The following DLGAP1 variants were observed in gnomAD, a reference collection of about 807,000 sequenced individuals.
DLGAP1 encodes the protein disks large-associated protein 1.
Under a neutral mutation model 90.8 loss-of-function variants are expected in DLGAP1, and 11 were observed. The ratio of observed to expected loss-of-function variants is 0.12; its 90% CI spans 0.08 to 0.20. The LOEUF (loss-of-function observed/expected upper bound fraction) is 0.20. Ranked by LOEUF, DLGAP1 falls within the 10% of genes least tolerant of loss-of-function variation. DLGAP1 has a pLI of 1.00. For synonymous variants in DLGAP1, 558 were observed against 540.7 expected, an observed-to-expected ratio of 1.03 and a Z score of -0.44; for missense variants, 1,050 against 1,333.8, an observed-to-expected ratio of 0.79 and a Z score of 3.31.
chr18:3,873,010 A>C (rs2148807491), intron 4 of DLGAP1, among the ~76,000 whole-genome samples: 1 of 152,340 alleles, frequency 6.6e-6, no homozygotes, highest in African/African-American at 2.4e-5. Context: ...TGTTGCCGAA[A>C]ATGTCTTTAG....
At chr18:4,299,342 G>T (rs11660700) in intron 1 of DLGAP1, among the ~76,000 whole-genome samples, 21,096 of 152,090 alleles carry the variant, frequency 0.14, 1,694 homozygotes, top group African/African-American at 0.21. Flanking sequence ...ATCTCTAAAA[G>T]AATTAAGATT....
chr18:3,531,669 G>C (rs1271248828), intron 10 of DLGAP1, among the ~76,000 whole-genome samples: 1 of 151,696 alleles, frequency 6.6e-6, no homozygotes, highest in Non-Finnish European at 1.5e-5. Context: ...TTTTACGAGA[G>C]ATGGGGTTTT....
intron 1 of DLGAP1, among the ~76,000 whole-genome samples, chr18:4,310,758 G>A (rs1193280016): frequency 6.6e-6 from 1 of 152,142 alleles, no homozygotes; most frequent in Non-Finnish European, 1.5e-5. Context: ...ATGTCACCCT[G>A]TCCCTTCCCA....
chr18:4,078,415 G>A (rs2075555785), intron 2 of DLGAP1, among the ~76,000 whole-genome samples: 1 of 152,160 alleles, frequency 6.6e-6, no homozygotes, highest in Admixed American at 6.5e-5. Flanking sequence ...TGACCATAAA[G>A]CACACAGAGA....
At chr18:3,592,276 C>G (rs2056288938) in intron 7 of DLGAP1, among the ~76,000 whole-genome samples, 1 of 152,204 alleles carries the variant, frequency 6.6e-6, no homozygotes, top group Non-Finnish European at 1.5e-5. Context: ...CTGCTTCCAG[C>G]CAAGCAGACC....
chr18:3,892,340 C>A (rs2071491638), intron 3 of DLGAP1, among the ~76,000 whole-genome samples: 1 of 152,130 alleles, frequency 6.6e-6, no homozygotes, highest in Non-Finnish European at 1.5e-5. Flanking sequence ...TGCCAGACAG[C>A]CCTGTCTCCC....
chr18:3,804,667 G>A (rs1274542334), intron 5 of DLGAP1, among the ~76,000 whole-genome samples: 1 of 152,182 alleles, frequency 6.6e-6, no homozygotes, highest in Admixed American at 6.5e-5. Context: ...GATGTTAGAT[G>A]GCAGCTCAAC....
rs10667751 is a variant in DLGAP1, at chr18:3,772,458, C to CTCTTTCTTTCTT, written c.1173-29958_1173-29947dup. On this transcript the variant is annotated intron_variant, in intron 5 of 12. Coordinates refer to ENST00000315677, the MANE Select transcript of DLGAP1 (RefSeq NM_004746.4). ...CCCTCCCTCCCTCCCCCCCACCCCC[C>CTCTTTCTTTCTT]TCTTTCTTTCTTTCTTTCTTTCTTC... 3.2e-3 allele frequency among the ~76,000 whole-genome samples: 271 copies of CTCTTTCTTTCTT among 83,806 alleles called. 8 individuals are homozygous for CTCTTTCTTTCTT. The highest frequency in any genetic ancestry group is 4.0e-3 in the African/African-American group (90 of 22,550). The allele number at this position is 83,806 out of a possible 152,430, so 55.0% of individuals were successfully genotyped here. A position where few individuals can be genotyped will look rare whatever the true frequency, so the allele number is the denominator to read the frequency against.
intron 1 of DLGAP1, among the ~76,000 whole-genome samples, chr18:4,389,732 G>A (rs760375055): frequency 1.3e-4 from 20 of 152,012 alleles, no homozygotes; most frequent in Admixed American, 8.5e-4. Context: ...CCCATTATAC[G>A]CAAATTGATG....
At chr18:3,966,529 T>G (rs1156543588) in intron 3 of DLGAP1, among the ~76,000 whole-genome samples, 1 of 151,154 alleles carries the variant, frequency 6.6e-6, no homozygotes, top group Non-Finnish European at 1.5e-5. Context: ...TTGCAGAAGA[T>G]GAGATACTAA....
chr18:4,441,613 C>T (rs1205724698), intron 1 of DLGAP1, among the ~76,000 whole-genome samples: 2 of 152,162 alleles, frequency 1.3e-5, no homozygotes, highest in African/African-American at 4.8e-5. Context: ...AATTTTATTT[C>T]TATTGCATCT....
At chr18:3,529,571 C>A (rs1599078766) in intron 10 of DLGAP1, among the ~76,000 whole-genome samples, 1 of 152,098 alleles carries the variant, frequency 6.6e-6, no homozygotes, top group East Asian at 1.9e-4. Flanking sequence ...ATTTACTGAT[C>A]CCCTGTTATG....
chr18:3,780,525 T>C (rs1423923230), intron 5 of DLGAP1, among the ~76,000 whole-genome samples: 1 of 132,230 alleles, frequency 7.6e-6, no homozygotes. Context: ...TCTGTCCAGG[T>C]CCCCCTCCAA....
At chr18:3,616,196 T>C (rs2057855956) in intron 7 of DLGAP1, among the ~76,000 whole-genome samples, 1 of 152,214 alleles carries the variant, frequency 6.6e-6, no homozygotes, top group South Asian at 2.1e-4. Flanking sequence ...TTTCCAAAAG[T>C]GGCTGCAACA....
intron 7 of DLGAP1, among the ~76,000 whole-genome samples, chr18:3,614,852 G>A (rs371375351): frequency 8.7e-4 from 120 of 138,084 alleles, no homozygotes; most frequent in Non-Finnish European, 7.5e-4. Context: ...TCTGTCTCAA[G>A]AAAAAAAAAA....
At chr18:4,095,590 C>T (rs933898179) in intron 2 of DLGAP1, among the ~76,000 whole-genome samples, 5 of 151,920 alleles carry the variant, frequency 3.3e-5, no homozygotes, top group Admixed American at 6.6e-5. Flanking sequence ...GACATCTTCC[C>T]GAGAACATAA....
At chr18:3,893,294 T>G (rs747133760) in intron 3 of DLGAP1, among the ~76,000 whole-genome samples, 1 of 152,054 alleles carries the variant, frequency 6.6e-6, no homozygotes, top group African/African-American at 2.4e-5. Context: ...ATGCAATCAT[T>G]GGCCGGGTGT....
chr18:4,304,428 G>A (rs553928680), intron 1 of DLGAP1, among the ~76,000 whole-genome samples: 1 of 152,140 alleles, frequency 6.6e-6, no homozygotes, highest in Non-Finnish European at 1.5e-5. Context: ...TCATATTAAT[G>A]TTTGCAGTTG....
At chr18:4,238,746 C>A (rs1189190026) in intron 1 of DLGAP1, among the ~76,000 whole-genome samples, 1 of 152,102 alleles carries the variant, frequency 6.6e-6, no homozygotes, top group Non-Finnish European at 1.5e-5. Flanking sequence ...AATGAGCTGG[C>A]AATAGGAGCT....
Sources: gnomAD v4.1 joint callset for allele counts (sites outside exome capture counted in the v4.1 genomes callset) on GRCh38, gnomAD v4.1.1 for gene constraint, MANE v1.5 for transcripts, NCBI Gene and HGNC (gene_info 2026-07-23, HGNC 2026-07-21) for gene names.